The following FOXP2 variants were observed in gnomAD, a reference collection of about 807,000 sequenced individuals.
The protein encoded by FOXP2 is forkhead box protein P2.
A neutral mutation model predicts 115.8 loss-of-function variants in FOXP2; 12 were observed. That is an observed-to-expected ratio of 0.10 (90% CI 0.07 to 0.17). The LOEUF (loss-of-function observed/expected upper bound fraction) is 0.17, where lower values mean the gene tolerates loss of function less well. Among genes scored for constraint, FOXP2 ranks in the 10% least tolerant of loss-of-function variants. FOXP2 has a pLI of 1.00. For missense variants in FOXP2, 629 were observed against 843.5 expected, an observed-to-expected ratio of 0.75 and a Z score of 3.15; for synonymous variants, 328 against 297.7, an observed-to-expected ratio of 1.10 and a Z score of -1.05.
intron 1 of FOXP2, among the ~76,000 whole-genome samples, chr7:114,127,419 C>T (rs1791745546): frequency 6.6e-6 from 1 of 152,136 alleles, no homozygotes; most frequent in African/African-American, 2.4e-5. Flanking sequence ...ACCTTATGGT[C>T]TGTCTACCAC....
chr7:114,479,511 G>A (rs1413229428), intron 2 of FOXP2, among the ~76,000 whole-genome samples: 1 of 150,008 alleles, frequency 6.7e-6, no homozygotes, highest in African/African-American at 2.4e-5. Context: ...AAATGAGAAG[G>A]TGTTGATAAT....
rs72603577 is a variant in FOXP2 at position 114,689,251 on chromosome 7, C to A, written c.2004-531C>A. ...CATCCTGGTAATGAAGACGCTTTAG[C>A]CCCAGTTTATTTTCTGAAATTTGTT... is the stretch of plus-strand genomic sequence containing the variant. On this transcript the variant is annotated intron_variant, in intron 16 of 16. Transcript: ENST00000350908. Among the ~76,000 whole-genome samples the A allele has an allele frequency of 0.032, 4,862 of 151,960 alleles. 422 individuals carry two copies. The East Asian group carries it at 0.35, about 11-fold the overall frequency.
At chr7:114,620,062 A>AT (rs1804161531) in intron 3 of FOXP2, among the ~76,000 whole-genome samples, 1 of 151,940 alleles carries the variant, frequency 6.6e-6, no homozygotes, top group Non-Finnish European at 1.5e-5. Flanking sequence ...ATTGCTAGCA[A>AT]TTTTTTCTAG....
At position 114,692,034 on chromosome 7, in the gene FOXP2, G is replaced by A. The variant is rs532510092; in HGVS notation, c.*2108G>A. 1 of 453,708 alleles carries A rather than the reference G, an allele frequency of 2.2e-6. No individual in the cohort carries two copies. The highest frequency in any genetic ancestry group is 2.0e-5 in the African/African-American group (1 of 49,956). The allele number at this position is 453,708 out of a possible 1,614,324, so 28.1% of individuals were successfully genotyped here. A position where few individuals can be genotyped will look rare whatever the true frequency, so the allele number is the denominator to read the frequency against. ...GTAACTGCTACTTTTCATTATGTTT[G>A]TCTTTGGGTCATGATCAACGAACCG... On this transcript the variant is annotated 3_prime_UTR_variant, in exon 17 of 17. Coordinates refer to ENST00000350908, the MANE Select transcript of FOXP2 (RefSeq NM_014491.4).
At chr7:114,545,933 AT>A (rs796159559) in intron 3 of FOXP2, among the ~76,000 whole-genome samples, 15 of 152,268 alleles carry the variant, frequency 9.9e-5, no homozygotes, top group African/African-American at 3.6e-4. Flanking sequence ...TATTACTTAT[AT>A]GTCTTGTTAA....
At chr7:114,215,360 A>T (rs1794459174) in intron 1 of FOXP2, among the ~76,000 whole-genome samples, 1 of 152,176 alleles carries the variant, frequency 6.6e-6, no homozygotes, top group Non-Finnish European at 1.5e-5. Context: ...AATTTATTAC[A>T]GATTTTTCAG....
At chr7:114,387,554 A>C (rs924304423) in intron 2 of FOXP2, among the ~76,000 whole-genome samples, 9 of 152,146 alleles carry the variant, frequency 5.9e-5, no homozygotes, top group African/African-American at 1.9e-4. Context: ...TGGCCAAATA[A>C]GTGTATGCTT....
chr7:114,628,496 G>A, intron 3 of FOXP2, 44 bp from the exon 4 acceptor site: 1 of 1,611,958 alleles, frequency 6.2e-7, no homozygotes, highest in Non-Finnish European at 8.5e-7. Context: ...ACAGATATTT[G>A]GTTATGACCA....
At chr7:114,165,126 T>C (rs1477639305) in intron 1 of FOXP2, among the ~76,000 whole-genome samples, 1 of 152,116 alleles carries the variant, frequency 6.6e-6, no homozygotes, top group Non-Finnish European at 1.5e-5. Flanking sequence ...TTGGAAACAT[T>C]CTGTTTGTTC....
At chr7:114,476,171 G>A (rs1323581632) in intron 2 of FOXP2, among the ~76,000 whole-genome samples, 1 of 150,622 alleles carries the variant, frequency 6.6e-6, no homozygotes, top group Non-Finnish European at 1.5e-5. Context: ...TTGCTTTTGG[G>A]GACTTAGCCA....
chr7:114,182,789 C>T (rs1169333627), intron 1 of FOXP2, among the ~76,000 whole-genome samples: 1 of 151,864 alleles, frequency 6.6e-6, no homozygotes, highest in Non-Finnish European at 1.5e-5. Flanking sequence ...AATTATTATA[C>T]TACTAAAACA....
chr7:114,517,298 G>A (rs368594021), intron 2 of FOXP2, among the ~76,000 whole-genome samples: 21 of 151,912 alleles, frequency 1.4e-4, no homozygotes, highest in East Asian at 1.4e-3. Context: ...TCCATAGGTC[G>A]TCTCTTTATT....
chr7:114,311,731 T>C (rs1037740756), intron 2 of FOXP2, among the ~76,000 whole-genome samples: 15 of 152,086 alleles, frequency 9.9e-5, no homozygotes, highest in African/African-American at 3.4e-4. Flanking sequence ...ACAGGGACAG[T>C]AGGAGCAGTG....
chr7:114,134,966 G>A (rs191522418), intron 1 of FOXP2, among the ~76,000 whole-genome samples: 13 of 152,128 alleles, frequency 8.5e-5, no homozygotes, highest in African/African-American at 3.1e-4. Context: ...TCTCCATAAT[G>A]TCAGATTGCT....
chr7:114,362,264 G>A (rs1791767814), intron 2 of FOXP2, among the ~76,000 whole-genome samples: 1 of 152,036 alleles, frequency 6.6e-6, no homozygotes, highest in Admixed American at 6.5e-5. Flanking sequence ...ATATTTTTGA[G>A]CTATGTTCAA....
chr7:114,439,432 T>C (rs1364673380), intron 2 of FOXP2, among the ~76,000 whole-genome samples: 1 of 152,192 alleles, frequency 6.6e-6, no homozygotes, highest in Non-Finnish European at 1.5e-5. Flanking sequence ...ACATCTCTAG[T>C]TGATTAATCA....
intron 3 of FOXP2, among the ~76,000 whole-genome samples, chr7:114,552,642 G>C (rs1490439434): frequency 2.0e-5 from 3 of 152,062 alleles, no homozygotes; most frequent in Admixed American, 2.0e-4. Context: ...GATACTCGAA[G>C]AAAAAGTGAA....
At position 114,693,470 on chromosome 7, in the gene FOXP2, A is replaced by G. The variant is rs1348108823; in HGVS notation, c.*3544A>G. ...TGAGAATTTTGAGACTTCATCTTAC[A>G]CATGCCAGTATTAACACACATTTGG... is the stretch of plus-strand genomic sequence containing the variant. On this transcript the variant is annotated 3_prime_UTR_variant, in exon 17 of 17. Coordinates refer to ENST00000350908, the MANE Select transcript of FOXP2 (RefSeq NM_014491.4). 6.6e-6 allele frequency: 3 copies of G among 453,208 alleles called. No homozygotes were observed. The highest frequency in any genetic ancestry group is 2.0e-5 in the African/African-American group (1 of 49,968). 28.1% of individuals were successfully genotyped at this position (453,208 alleles called of 1,614,324 possible).
chr7:114,298,221 T>C (rs1164488390), intron 2 of FOXP2, among the ~76,000 whole-genome samples: 1 of 152,214 alleles, frequency 6.6e-6, no homozygotes, highest in African/African-American at 2.4e-5. Context: ...AGAGAACTTG[T>C]AGCAGAAGAG....
Sources: gnomAD v4.1 joint callset for allele counts (sites outside exome capture counted in the v4.1 genomes callset) on GRCh38, gnomAD v4.1.1 for gene constraint, MANE v1.5 for transcripts, NCBI Gene and HGNC (gene_info 2026-07-23, HGNC 2026-07-21) for gene names.